WDFY4: variants seen among roughly 807,000 people sequenced by gnomAD.
The protein encoded by WDFY4 is WD repeat- and FYVE domain-containing protein 4.
In WDFY4, 169 loss-of-function variants were observed where a neutral mutation model predicts 351.9. The observed-to-expected ratio is 0.48, with a 90% CI of 0.42 to 0.55. The LOEUF (loss-of-function observed/expected upper bound fraction) is 0.55. Ranked by LOEUF, WDFY4 falls within the 20% of genes least tolerant of loss-of-function variation. The probability of loss-of-function intolerance (pLI) is 0.00; values close to 1 mark genes in which losing one functional copy is unlikely to be tolerated. For synonymous variants in WDFY4, 1,622 were observed against 1,574.6 expected, an observed-to-expected ratio of 1.03 and a Z score of -0.71; for missense variants, 3,803 against 3,935.6, an observed-to-expected ratio of 0.97 and a Z score of 0.90.
At chr10:48,725,742 C>A in intron 5 of WDFY4, 139 bp from the exon 6 acceptor site, 1 of 928,430 alleles carries the variant, frequency 1.1e-6, no homozygotes, top group Non-Finnish European at 1.6e-6. Context: ...TGGTCTGGGA[C>A]AGAGGGTGAC....
At chr10:48,775,437 A>C (rs1342194725) in intron 14 of WDFY4, among the ~76,000 whole-genome samples, 1 of 152,214 alleles carries the variant, frequency 6.6e-6, no homozygotes, top group Non-Finnish European at 1.5e-5. Context: ...GGGAAATTCC[A>C]TTAGAAACTT....
intron 42 of WDFY4, 39 bp from the exon 43 acceptor site, chr10:48,876,994 G>T (rs1403650542): frequency 2.8e-6 from 4 of 1,438,520 alleles, no homozygotes; most frequent in African/African-American, 2.9e-5. Flanking sequence ...ATGTCAGGTG[G>T]CTCCTGTCAA....
intron 39 of WDFY4, among the ~76,000 whole-genome samples, chr10:48,862,798 C>T (rs2133230787): frequency 6.6e-6 from 1 of 152,226 alleles, no homozygotes; most frequent in African/African-American, 2.4e-5. Flanking sequence ...AGATATGTGC[C>T]ACCATCACTG....
chr10:48,915,105 G>A (rs142709951), intron 47 of WDFY4, among the ~76,000 whole-genome samples: 35 of 152,284 alleles, frequency 2.3e-4, no homozygotes, highest in African/African-American at 8.2e-4. Flanking sequence ...AATTCCCAGT[G>A]CTTGTGTTTT....
chr10:48,815,647 C>T (rs146714598), intron 31 of WDFY4, among the ~76,000 whole-genome samples: 11 of 151,936 alleles, frequency 7.2e-5, no homozygotes, highest in African/African-American at 2.7e-4. Flanking sequence ...TTTGTAGAGA[C>T]GGGGATTCAT....
At chr10:48,773,289 G>T (rs1308593136) in intron 13 of WDFY4, among the ~76,000 whole-genome samples, 1 of 152,184 alleles carries the variant, frequency 6.6e-6, no homozygotes, top group African/African-American at 2.4e-5. Context: ...AAGGAGATCT[G>T]CATGGAGCAC....
At chr10:48,963,307 T>C (rs1841942035) in intron 53 of WDFY4, among the ~76,000 whole-genome samples, 1 of 152,184 alleles carries the variant, frequency 6.6e-6, no homozygotes. Context: ...ATGAACCTGC[T>C]AAGAAGGTAC....
chr10:48,889,780 G>A lies in WDFY4; in HGVS notation c.7168-799G>A, dbSNP rs557500743. Among the ~76,000 whole-genome samples, 104 of 152,324 alleles carry A rather than the reference G, an allele frequency of 6.8e-4. 2 individuals carry two copies. The South Asian group carries it at 0.021, about 31-fold the overall frequency. ...ATGAGGATTGCAGGGCTGGGCCAGCGGAGAAGTGCAACCACAATGTAGTCT... is the reference window on the plus strand; with the variant it reads ...ATGAGGATTGCAGGGCTGGGCCAGCAGAGAAGTGCAACCACAATGTAGTCT... On this transcript the variant is annotated intron_variant, in intron 43 of 61. Transcript: ENST00000325239.
At position 48,920,786 on chromosome 10, in the gene WDFY4, A is replaced by T. The variant is rs181146401; in HGVS notation, c.7586+18923A>T. Among the ~76,000 whole-genome samples the T allele has an allele frequency of 1.2e-4, 18 of 152,360 alleles. No homozygotes were observed. In the East Asian group the frequency reaches 3.5e-3, roughly 29 times the overall value. Reference sequence around the variant, plus strand: ...CACAGAATTTTAAAAAGATTCTTGGAACTAATAAGTGAGTTTAGCAAGGCC... The same window carrying T: ...CACAGAATTTTAAAAAGATTCTTGGTACTAATAAGTGAGTTTAGCAAGGCC... On this transcript the variant is annotated intron_variant, in intron 47 of 61. Transcript: ENST00000325239.
At chr10:48,980,472 T>C (rs1199663429) in intron 60 of WDFY4, among the ~76,000 whole-genome samples, 1 of 152,204 alleles carries the variant, frequency 6.6e-6, no homozygotes, top group African/African-American at 2.4e-5. Flanking sequence ...TGTAATCCAA[T>C]TTCTGCTTGG....
chr10:48,928,382 G>GTGTGTGTA (rs1839761639), intron 47 of WDFY4, among the ~76,000 whole-genome samples: 1 of 151,532 alleles, frequency 6.6e-6, no homozygotes, highest in Non-Finnish European at 1.5e-5. Context: ...GTGTGTGTGT[G>GTGTGTGTA]TGTGTGTGTG....
At chr10:48,706,896 C>T (rs576990342) in intron 1 of WDFY4, among the ~76,000 whole-genome samples, 1 of 152,282 alleles carries the variant, frequency 6.6e-6, no homozygotes, top group South Asian at 2.1e-4. Flanking sequence ...GGCCACCATG[C>T]AGCCATTAAG....
rs1378121665 is a variant in WDFY4 at position 48,733,922 on chromosome 10, A to T, written c.1583-9A>T. 1.9e-6 allele frequency: 3 copies of T among 1,551,374 alleles called. No homozygotes were observed. The highest frequency in any genetic ancestry group is 2.4e-5 in the East Asian group (1 of 40,920). On this transcript the variant is annotated splice_polypyrimidine_tract_variant and intron_variant, in intron 9 of 61. Transcript: ENST00000325239. ...AATTTATTTTGTTATTTCTTCTTCA[A>T]TATGGCAGGAAACAAAGTGTCCACT...
rs148531649 is a variant in WDFY4, at chr10:48,923,738, A to C, written c.7587-18068A>C. Among the ~76,000 whole-genome samples, 239 of 152,166 alleles carry C rather than the reference A, an allele frequency of 1.6e-3. 1 individual carries two copies. Among genetic ancestry groups the C allele is most frequent in the Middle Eastern group, 0.014 (4 of 294 alleles). On this transcript the variant is annotated intron_variant, in intron 47 of 61. Transcript: ENST00000325239. ...CCAGTCCTCAAGTTGAAATAGTTCA[A>C]ATCTAGATTCTCACTGATTCTGGCC...
In WDFY4 at chr10:48,731,441, G is replaced by T; in HGVS notation, c.1461G>T (p.Leu487=). ...SPGPSCTLMA[L]QSILSIAGGD... ...GGCCATCCTGCACCCTCATGGCCCT[G>T]CAGAGCATCCTCAGCATCGCTGGTG... The change falls in exon 9 of 62, where the codon CTG becomes CTT. Residue 487 remains leucine, a synonymous_variant. Coordinates refer to ENST00000325239, the MANE Select transcript of WDFY4 (RefSeq NM_001394531.1). 1.3e-6 allele frequency: 2 copies of T among 1,551,714 alleles called. No individual in the cohort carries two copies. The highest frequency in any genetic ancestry group is 8.7e-7 in the Non-Finnish European group (1 of 1,147,006).
chr10:48,975,133 T>A, intron 58 of WDFY4, 92 bp downstream of exon 58: 1 of 1,514,550 alleles, frequency 6.6e-7, no homozygotes, highest in African/African-American at 1.4e-5. Context: ...ACAGAGACTC[T>A]AGCCACCCCA....
At position 48,946,058 on chromosome 10, in the gene WDFY4, C is replaced by T. The variant is rs369085972; in HGVS notation, c.7768C>T (p.Pro2590Ser). The T allele has an allele frequency of 6.5e-7, 1 of 1,544,992 alleles. No homozygotes were observed. Among genetic ancestry groups the T allele is most frequent in the Non-Finnish European group, 8.7e-7 (1 of 1,145,172 alleles). ...CTTCTAGACATTGAACTTGGCAAATCCGAAGATTTTCCGGGATCTTTCAAA... is the reference window on the plus strand; with the variant it reads ...CTTCTAGACATTGAACTTGGCAAATTCGAAGATTTTCCGGGATCTTTCAAA... ...YTSETLNLAN[P>S]KIFRDLSKPM... The change falls in exon 50 of 62, where the codon CCG (proline) becomes TCG (serine). Residue 2590 changes from proline to serine, a missense_variant. Pro to Ser is a moderately conservative substitution (Grantham distance 74). This residue lies in a region of WDFY4 where 3,054 missense variants were observed against 3,148.6 expected (regional missense o/e 0.97). Coordinates refer to ENST00000325239, the MANE Select transcript of WDFY4 (RefSeq NM_001394531.1).
At chr10:48,947,115 T>C (rs918384406) in intron 51 of WDFY4, 146 bp downstream of exon 51, 3 of 708,274 alleles carry the variant, frequency 4.2e-6, no homozygotes, top group African/African-American at 3.6e-5. Flanking sequence ...CCAGTTGACA[T>C]TGGCTCCAGG....
chr10:48,800,730 C>CTTTCTTTCTTTCTTTT (rs1555016198), intron 24 of WDFY4, among the ~76,000 whole-genome samples: 2 of 92,810 alleles, frequency 2.2e-5, no homozygotes, highest in Non-Finnish European at 2.1e-5. Context: ...TTCATTCTTT[C>CTTTCTTTCTTTCTTTT]TTTTTTTTTT....
Sources: allele counts gnomAD v4.1 joint callset (sites outside exome capture counted in the v4.1 genomes callset), GRCh38; gene constraint gnomAD v4.1.1; regional missense constraint gnomAD v4.1.1; transcripts MANE v1.5; gene names NCBI Gene and HGNC (gene_info 2026-07-23, HGNC 2026-07-21).